ACER3: variants seen among roughly 807,000 people sequenced by gnomAD.
ACER3 encodes the protein alkCDase 3.
ACER3 carries 16 observed loss-of-function variants against 48.9 expected under a neutral mutation model. The observed-to-expected ratio is 0.33, with a 90% confidence interval of 0.22 to 0.50. ACER3 has a LOEUF of 0.50. ACER3 is among the 20% of genes least tolerant of loss of function. ACER3 has a pLI of 0.98. For missense variants in ACER3, 227 were observed against 326.0 expected (o/e 0.70, Z 2.34); for synonymous variants, 109 against 107.8 (o/e 1.01, Z -0.07).
chr11:76,913,837 G>T (rs1032630840), intron 1 of ACER3, among the ~76,000 whole-genome samples: 5 of 152,118 alleles, frequency 3.3e-5, no homozygotes, highest in Non-Finnish European at 7.3e-5. Flanking sequence ...CCTGGTACTG[G>T]TACCAAAACA....
intron 4 of ACER3, among the ~76,000 whole-genome samples, chr11:76,981,267 C>G (rs7927731): frequency 0.76 from 114,997 of 152,190 alleles, 43,809 homozygotes; most frequent in African/African-American, 0.81. Context: ...ATCTTCTGCA[C>G]TATCTGTTTA....
At chr11:76,971,277 C>T (rs1948292003) in intron 3 of ACER3, among the ~76,000 whole-genome samples, 1 of 152,146 alleles carries the variant, frequency 6.6e-6, no homozygotes, top group Non-Finnish European at 1.5e-5. Flanking sequence ...CGCAGTGGTT[C>T]ACGCCTGTAA....
At chr11:76,988,788 A>G (rs1402162521) in intron 5 of ACER3, among the ~76,000 whole-genome samples, 1 of 152,232 alleles carries the variant, frequency 6.6e-6, no homozygotes, top group Non-Finnish European at 1.5e-5. Flanking sequence ...AATCAAGTCT[A>G]GAGATTGTCA....
At chr11:76,920,236 G>A (rs571004012) in intron 1 of ACER3, among the ~76,000 whole-genome samples, 1 of 152,260 alleles carries the variant, frequency 6.6e-6, no homozygotes, top group South Asian at 2.1e-4. Flanking sequence ...GCAGAACGTG[G>A]CTGTCAGCAG....
At chr11:76,909,996 C>A (rs1443375070) in intron 1 of ACER3, among the ~76,000 whole-genome samples, 1 of 152,006 alleles carries the variant, frequency 6.6e-6, no homozygotes, top group African/African-American at 2.4e-5. Flanking sequence ...TGGAAAGAAT[C>A]ATTCTCAGCA....
chr11:76,990,629 G>T, intron 6 of ACER3, 55 bp downstream of exon 6: 1 of 1,138,602 alleles, frequency 8.8e-7, no homozygotes, highest in South Asian at 1.3e-5. Flanking sequence ...TGGCTGCTTT[G>T]TGATTTCCTT....
intron 2 of ACER3, among the ~76,000 whole-genome samples, chr11:76,949,966 A>G (rs1481822973): frequency 6.6e-6 from 1 of 152,130 alleles, no homozygotes; most frequent in African/African-American, 2.4e-5. Flanking sequence ...TTTCAGTACC[A>G]TATGTATTTT....
intron 1 of ACER3, among the ~76,000 whole-genome samples, chr11:76,867,581 T>G (rs1945128261): frequency 6.6e-6 from 1 of 151,242 alleles, no homozygotes; most frequent in Non-Finnish European, 1.5e-5. Context: ...GTGAAATGCA[T>G]TCCCAAAAAC....
chr11:76,904,186 C>T (rs781508288), intron 1 of ACER3, among the ~76,000 whole-genome samples: 1 of 152,014 alleles, frequency 6.6e-6, no homozygotes, highest in Non-Finnish European at 1.5e-5. Context: ...GAGGTTTCAC[C>T]ATGTTGGCCA....
intron 2 of ACER3, among the ~76,000 whole-genome samples, chr11:76,941,083 AAG>A (rs1947333294): frequency 1.3e-5 from 2 of 151,830 alleles, no homozygotes; most frequent in African/African-American, 4.8e-5. Context: ...AGAAGGGGAG[AAG>A]AGAGAGGAAC....
At chr11:77,010,022 A>G (rs10793229) in intron 7 of ACER3, among the ~76,000 whole-genome samples, 114,537 of 151,944 alleles carry the variant, frequency 0.75, 43,520 homozygotes, top group African/African-American at 0.8. Flanking sequence ...GTCAGTGAAG[A>G]GCTGGGCTAG....
intron 7 of ACER3, among the ~76,000 whole-genome samples, chr11:77,004,980 C>G (rs1225487665): frequency 2.0e-5 from 3 of 150,312 alleles, no homozygotes; most frequent in African/African-American, 7.3e-5. Flanking sequence ...TATTTGTTCT[C>G]TCTGGTTTTT....
At chr11:76,967,666 T>C (rs1349956063) in intron 3 of ACER3, among the ~76,000 whole-genome samples, 3 of 152,148 alleles carry the variant, frequency 2.0e-5, no homozygotes, top group African/African-American at 7.2e-5. Context: ...TAATCCAGCA[T>C]ATAAACAGAA....
chr11:76,876,559 TAGGTAA>T (rs1945388171), intron 1 of ACER3, among the ~76,000 whole-genome samples: 1 of 152,234 alleles, frequency 6.6e-6, no homozygotes, highest in African/African-American at 2.4e-5. Flanking sequence ...TCGTTTCTCA[TAGGTAA>T]ATGCTTAGGA....
intron 1 of ACER3, among the ~76,000 whole-genome samples, chr11:76,898,041 C>CT (rs566068636): frequency 1.2e-4 from 18 of 148,918 alleles, no homozygotes; most frequent in South Asian, 2.1e-4. Flanking sequence ...TTGAAGCTGA[C>CT]TTTTTTTTTT....
chr11:77,011,339 G>A (rs1949259386), intron 7 of ACER3: 6 of 985,420 alleles, frequency 6.1e-6, no homozygotes, highest in Non-Finnish European at 6.0e-6. Flanking sequence ...GAAGAGTATT[G>A]CTTTGAACTG....
intron 7 of ACER3, among the ~76,000 whole-genome samples, chr11:77,007,187 GT>G (rs1949169727): frequency 6.6e-6 from 1 of 150,442 alleles, no homozygotes; most frequent in African/African-American, 2.4e-5. Flanking sequence ...TGTGTTTGTT[GT>G]TTTTAGTTAG....
chr11:76,890,343 C>T (rs1945774337), intron 1 of ACER3, among the ~76,000 whole-genome samples: 1 of 152,066 alleles, frequency 6.6e-6, no homozygotes, highest in South Asian at 2.1e-4. Flanking sequence ...AACGCTGTAT[C>T]CCCAGCATTT....
At chr11:76,929,019 G>C (rs1047411149) in intron 2 of ACER3, among the ~76,000 whole-genome samples, 82 of 152,264 alleles carry the variant, frequency 5.4e-4, no homozygotes, top group African/African-American at 1.3e-3. Context: ...TAGCTTGATG[G>C]GGATGGCATT....
Sources: allele counts gnomAD v4.1 joint callset (sites outside exome capture counted in the v4.1 genomes callset), GRCh38; gene constraint gnomAD v4.1.1; transcripts MANE v1.5; gene names NCBI Gene and HGNC (gene_info 2026-07-23, HGNC 2026-07-21).